The following JAK1 variants were observed in gnomAD, a reference collection of about 807,000 sequenced individuals.
JAK1 encodes Janus kinase 1, also known as tyrosine-protein kinase JAK1.
Under a neutral mutation model 136.6 loss-of-function variants are expected in JAK1, and 16 were observed. That is an observed-to-expected ratio of 0.12 (90% CI 0.08 to 0.18). The LOEUF (loss-of-function observed/expected upper bound fraction) is 0.18, where lower values mean the gene tolerates loss of function less well. Among genes scored for constraint, JAK1 ranks in the 10% least tolerant of loss-of-function variants. JAK1 has a pLI of 1.00. For synonymous variants in JAK1, 492 were observed against 519.5 expected (o/e 0.95, Z 0.72); for missense variants, 859 against 1,450.1 (o/e 0.59, Z 6.62).
chr1:64,982,287 G>A (rs1646555288), intron 2 of JAK1, among the ~76,000 whole-genome samples: 1 of 152,130 alleles, frequency 6.6e-6, no homozygotes, highest in Non-Finnish European at 1.5e-5. Flanking sequence ...GAGTTGGGCA[G>A]GTGTCTTTTA....
chr1:64,871,199 G>A (rs1657053166), intron 5 of JAK1, among the ~76,000 whole-genome samples: 1 of 152,120 alleles, frequency 6.6e-6, no homozygotes, highest in African/African-American at 2.4e-5. Flanking sequence ...CTCTATGGCA[G>A]TTCTAAGGCA....
intron 1 of JAK1, among the ~76,000 whole-genome samples, chr1:64,917,464 G>C (rs185894515): frequency 6.6e-6 from 1 of 152,208 alleles, no homozygotes; most frequent in Admixed American, 6.5e-5. Context: ...AGAACAGAGC[G>C]GTCTCAACAC....
intron 1 of JAK1, among the ~76,000 whole-genome samples, chr1:64,913,316 T>C (rs1418990831): frequency 6.6e-6 from 1 of 151,956 alleles, no homozygotes; most frequent in Non-Finnish European, 1.5e-5. Context: ...GCTGGGAAAA[T>C]AGGAATAGGC....
At chr1:65,049,161 C>G (rs1486862530) in intron 1 of JAK1, among the ~76,000 whole-genome samples, 1 of 152,168 alleles carries the variant, frequency 6.6e-6, no homozygotes, top group Non-Finnish European at 1.5e-5. Flanking sequence ...GTGGCTCATG[C>G]CTGTAATCCC....
intron 2 of JAK1, among the ~76,000 whole-genome samples, chr1:64,884,509 C>A (rs763259723): frequency 2.0e-5 from 3 of 152,150 alleles, no homozygotes; most frequent in Non-Finnish European, 4.4e-5. Context: ...TGAAACAGAG[C>A]CCTGCTCCAT....
chr1:65,049,554 G>A (rs1314399052), intron 1 of JAK1, among the ~76,000 whole-genome samples: 1 of 152,208 alleles, frequency 6.6e-6, no homozygotes, highest in Non-Finnish European at 1.5e-5. Context: ...TGAGCTTTCT[G>A]ACTGGCCACG....
rs1371571435 is a variant in JAK1, at chr1:64,984,531, C to T, written c.-78+59949G>A. 7 of 329,970 alleles carry T rather than the reference C, an allele frequency of 2.1e-5. No homozygotes were observed. The highest frequency in any genetic ancestry group is 1.3e-4 in the South Asian group (3 of 23,378). The allele number at this position is 329,970 out of a possible 1,614,324, so 20.4% of individuals were successfully genotyped here. On this transcript the variant is annotated intron_variant, in intron 2 of 25. Transcript: ENST00000671954. This position sits in a 1 kb window ranked among gnomAD's most constrained non-coding sequence, Gnocchi z 4.1. The stretch of plus-strand genomic sequence containing the variant: ...CAGCATTCAGAAGCAGCCCTGGGTT[C>T]ATCCTTATGAGGTCTCTCCCTCATT...
At chr1:64,995,245 G>C (rs750402895) in intron 2 of JAK1, among the ~76,000 whole-genome samples, 2 of 152,006 alleles carry the variant, frequency 1.3e-5, no homozygotes, top group Non-Finnish European at 2.9e-5. Context: ...TTAGCACAAA[G>C]GCTTAGGCTC....
intron 2 of JAK1, among the ~76,000 whole-genome samples, chr1:64,884,876 T>G (rs1395644284): frequency 1.3e-5 from 2 of 152,178 alleles, no homozygotes; most frequent in African/African-American, 2.4e-5. Context: ...TTCCTTGAGA[T>G]AAGAACTGAG....
intron 1 of JAK1, among the ~76,000 whole-genome samples, chr1:64,910,160 A>G (rs2100268865): frequency 6.6e-6 from 1 of 152,350 alleles, no homozygotes; most frequent in East Asian, 1.9e-4. Flanking sequence ...CAAGATTCCA[A>G]GGCAGTTTAT....
At chr1:64,958,065 T>C (rs1397468855) in intron 1 of JAK1, among the ~76,000 whole-genome samples, 2 of 152,232 alleles carry the variant, frequency 1.3e-5, no homozygotes, top group East Asian at 1.9e-4. Context: ...TTTTTTCAAC[T>C]AGCAAGGAAC....
At chr1:65,009,177 A>G (rs1646827449) in intron 2 of JAK1, among the ~76,000 whole-genome samples, 1 of 152,240 alleles carries the variant, frequency 6.6e-6, no homozygotes, top group African/African-American at 2.4e-5. Context: ...AAATTAAATT[A>G]AAAGGAATGA....
intron 23 of JAK1, 60 bp downstream of exon 23, chr1:64,836,038 G>T: frequency 1.1e-6 from 1 of 874,952 alleles, no homozygotes; most frequent in Non-Finnish European, 1.9e-6. Context: ...TAACCAAGCA[G>T]AGGGATGGAC....
chr1:64,914,616 C>T (rs753119054), intron 1 of JAK1, among the ~76,000 whole-genome samples: 7 of 152,102 alleles, frequency 4.6e-5, no homozygotes, highest in African/African-American at 7.2e-5. Flanking sequence ...CAGGCTGGAG[C>T]GCAGTGGCGT....
At chr1:64,921,494 T>C (rs1645493577) in intron 1 of JAK1, among the ~76,000 whole-genome samples, 1 of 152,042 alleles carries the variant, frequency 6.6e-6, no homozygotes, top group African/African-American at 2.4e-5. Flanking sequence ...TCCAGTGACC[T>C]ACTAGAGTAT....
rs1646587331 is a variant in JAK1, at chr1:64,985,246, CAGAGAGCTGCTG to C, written c.-78+59222_-78+59233del. The C allele has an allele frequency of 3.7e-6, 6 of 1,604,060 alleles. No homozygotes were observed. The Admixed American group carries it at 6.7e-5, about 18-fold the overall frequency. ...GAGTAATAGAACACAGTATTGATTA[CAGAGAGCTGCTG>C]AGAGAGCTGGAGCATGATGGAAATG... On this transcript the variant is annotated intron_variant, in intron 2 of 25. Transcript: ENST00000671954.
intron 2 of JAK1, among the ~76,000 whole-genome samples, chr1:65,042,206 T>C (rs918862170): frequency 6.6e-6 from 1 of 152,126 alleles, no homozygotes; most frequent in African/African-American, 2.4e-5. Flanking sequence ...TTAGAGGCAG[T>C]CTAGAGATGA....
chr1:65,063,842 AAATT>A (rs1383404302), intron 1 of JAK1, among the ~76,000 whole-genome samples: 1 of 151,896 alleles, frequency 6.6e-6, no homozygotes. Context: ...AAAAGAAAAG[AAATT>A]AATTCATAGA....
chr1:65,002,503 A>C (rs139498314), intron 2 of JAK1: 1 of 152,350 alleles, frequency 6.6e-6, no homozygotes, highest in African/African-American at 2.4e-5. Flanking sequence ...CGCTAATTAT[A>C]GTATGTACAT....
Sources: gnomAD v4.1 joint callset for allele counts (sites outside exome capture counted in the v4.1 genomes callset) on GRCh38, gnomAD v4.1.1 for gene constraint, Gnocchi (gnomAD v3.1) non-coding constraint, MANE v1.5 for transcripts, NCBI Gene and HGNC (gene_info 2026-07-23, HGNC 2026-07-21) for gene names.